SYT1: variants seen among roughly 807,000 people sequenced by gnomAD.
The protein encoded by SYT1 is synaptotagmin 1, also known as synaptotagmin-1.
A neutral mutation model predicts 44.8 loss-of-function variants in SYT1; 8 were observed. The ratio of observed to expected loss-of-function variants is 0.18; its 90% CI spans 0.10 to 0.32. The LOEUF (loss-of-function observed/expected upper bound fraction) is 0.32, where lower values mean the gene tolerates loss of function less well. Among genes scored for constraint, SYT1 ranks in the 10% least tolerant of loss-of-function variants. The pLI is 1.00. For missense variants in SYT1, 286 were observed against 509.3 expected, an observed-to-expected ratio of 0.56 and a Z score of 4.22; for synonymous variants, 154 against 188.8, an observed-to-expected ratio of 0.82 and a Z score of 1.51.
chr12:78,874,081 A>G (rs1360712909), intron 1 of SYT1, among the ~76,000 whole-genome samples: 1 of 151,636 alleles, frequency 6.6e-6, no homozygotes, highest in Non-Finnish European at 1.5e-5. Context: ...ACAATATGTC[A>G]GGCACTTTTC....
At chr12:79,062,066 T>C (rs1382451817) in intron 3 of SYT1, among the ~76,000 whole-genome samples, 1 of 152,164 alleles carries the variant, frequency 6.6e-6, no homozygotes, top group Non-Finnish European at 1.5e-5. Flanking sequence ...TTTAAGTGTA[T>C]GACTTTGCAT....
chr12:79,362,229 T>TA (rs529009980), intron 9 of SYT1, among the ~76,000 whole-genome samples: 2 of 152,220 alleles, frequency 1.3e-5, no homozygotes, highest in African/African-American at 4.8e-5. Flanking sequence ...GTGGTAAATT[T>TA]AAAAAATCTA....
intron 9 of SYT1, among the ~76,000 whole-genome samples, chr12:79,438,001 G>C (rs565329937): frequency 6.6e-6 from 1 of 152,112 alleles, no homozygotes; most frequent in African/African-American, 2.4e-5. Context: ...GGAGAGTTTC[G>C]CAGGAAGGGT....
intron 1 of SYT1, among the ~76,000 whole-genome samples, chr12:78,904,095 A>C (rs2137106375): frequency 6.6e-6 from 1 of 152,180 alleles, no homozygotes; most frequent in East Asian, 1.9e-4. Flanking sequence ...CGGTAACCAA[A>C]ATTTAGTCAT....
intron 2 of SYT1, among the ~76,000 whole-genome samples, chr12:78,987,568 G>A (rs904331277): frequency 2.6e-5 from 4 of 151,892 alleles, no homozygotes; most frequent in African/African-American, 9.7e-5. Context: ...GAACCCATGA[G>A]GCTACACATG....
At chr12:79,120,212 A>T (rs1879519811) in intron 3 of SYT1, among the ~76,000 whole-genome samples, 1 of 152,174 alleles carries the variant, frequency 6.6e-6, no homozygotes, top group South Asian at 2.1e-4. Flanking sequence ...TCAAGAGGAC[A>T]GAGCAATTAA....
Position 79,285,945 on chromosome 12 carries a change from G to C in SYT1, c.325G>C (p.Asp109His), listed in dbSNP as rs776175729. 1.9e-6 allele frequency: 3 copies of C among 1,609,206 alleles called. No homozygotes were observed. ...TGCCATTAACATGAAAGATGTAAAA[G>C]ACTTAGGGAAGACGATGAAAGATCA... ...KNAINMKDVKDLGKTMKDQAL... is the reference protein window; with the variant it reads ...KNAINMKDVKHLGKTMKDQAL... Residue 109 changes from aspartate (D) to histidine (H), a missense_variant, in exon 5 of 11, where the codon GAC (aspartate) becomes CAC (histidine). Coordinates refer to ENST00000261205, the MANE Select transcript of SYT1 (RefSeq NM_005639.3).
chr12:79,281,531 A>C (rs535999865), intron 4 of SYT1, among the ~76,000 whole-genome samples: 54 of 152,262 alleles, frequency 3.5e-4, no homozygotes, highest in Non-Finnish European at 6.8e-4. Context: ...GGAGACTCAA[A>C]AGTGGGAAGG....
chr12:78,894,719 C>T (rs1411072812), intron 1 of SYT1, among the ~76,000 whole-genome samples: 1 of 151,492 alleles, frequency 6.6e-6, no homozygotes, highest in Non-Finnish European at 1.5e-5. Flanking sequence ...CTAAAAAAGT[C>T]AAACTCATAG....
chr12:79,350,426 C>G (rs988072414), intron 8 of SYT1, among the ~76,000 whole-genome samples: 1 of 151,604 alleles, frequency 6.6e-6, no homozygotes, highest in African/African-American at 2.4e-5. Context: ...CTAATTTTTT[C>G]TATTTTTAGT....
At position 78,910,692 on chromosome 12, in the gene SYT1, G is replaced by A. The variant is rs573798637; in HGVS notation, c.-217+45583G>A. Reference sequence around the variant, plus strand: ...AATTAGATAATTATTGCAAAAACACGCAAAGTTACAACTCTGAAAAATTCT... The same window carrying A: ...AATTAGATAATTATTGCAAAAACACACAAAGTTACAACTCTGAAAAATTCT... On this transcript the variant is annotated intron_variant, in intron 1 of 10. Coordinates refer to ENST00000261205, the MANE Select transcript of SYT1 (RefSeq NM_005639.3). Among the ~76,000 whole-genome samples, 73 of 151,988 alleles carry A rather than the reference G, an allele frequency of 4.8e-4. 1 individual carries two copies. The highest frequency in any genetic ancestry group is 1.5e-3 in the African/African-American group (62 of 41,510).
chr12:78,908,847 T>A (rs1346939558), intron 1 of SYT1, among the ~76,000 whole-genome samples: 1 of 151,952 alleles, frequency 6.6e-6, no homozygotes, highest in Non-Finnish European at 1.5e-5. Context: ...ATCAAATATT[T>A]TTTTTACTTC....
At chr12:78,916,350 A>G (rs1876654410) in intron 1 of SYT1, among the ~76,000 whole-genome samples, 2 of 152,096 alleles carry the variant, frequency 1.3e-5, no homozygotes, top group African/African-American at 4.8e-5. Context: ...GTAAATAATA[A>G]AAATAATTGT....
chr12:79,393,863 C>G (rs1023298999), intron 9 of SYT1: 9 of 152,122 alleles, frequency 5.9e-5, no homozygotes, highest in African/African-American at 2.2e-4. Flanking sequence ...TTTCTTTAAG[C>G]TTCTCTGTCA....
At chr12:79,127,445 TTTTGAAGCCAGTGTAGGTGG>T (rs774263577) in intron 3 of SYT1, among the ~76,000 whole-genome samples, 11 of 151,490 alleles carry the variant, frequency 7.3e-5, no homozygotes, top group Non-Finnish European at 1.3e-4. Flanking sequence ...AGAGCAAGAG[TTTTGAAGCCAGTGTAGGTGG>T]TAACAGCCAT....
chr12:79,379,486 G>A (rs537725988), intron 9 of SYT1, among the ~76,000 whole-genome samples: 44 of 152,238 alleles, frequency 2.9e-4, no homozygotes, highest in African/African-American at 1.1e-3. Context: ...AGAGCAGTCT[G>A]TGCTACACAA....
At chr12:79,354,948 C>T (rs1883052877) in intron 9 of SYT1, among the ~76,000 whole-genome samples, 1 of 152,126 alleles carries the variant, frequency 6.6e-6, no homozygotes, top group Admixed American at 6.6e-5. Flanking sequence ...ATATCCATGC[C>T]AACCATCCCC....
chr12:79,258,270 T>A (rs2138719580), intron 4 of SYT1, among the ~76,000 whole-genome samples: 1 of 152,314 alleles, frequency 6.6e-6, no homozygotes, highest in Non-Finnish European at 1.5e-5. Flanking sequence ...TTTATGCTTC[T>A]TTTCTTATGT....
intron 4 of SYT1, among the ~76,000 whole-genome samples, chr12:79,241,358 C>T (rs1161042624): frequency 1.3e-5 from 2 of 152,088 alleles, no homozygotes; most frequent in African/African-American, 2.4e-5. Context: ...GCAACCTCCA[C>T]CTTCCGGATT....
Sources: allele counts gnomAD v4.1 joint callset (sites outside exome capture counted in the v4.1 genomes callset), GRCh38; gene constraint gnomAD v4.1.1; transcripts MANE v1.5; gene names NCBI Gene and HGNC (gene_info 2026-07-23, HGNC 2026-07-21).